The following DLG2 variants were observed in gnomAD, a reference collection of about 807,000 sequenced individuals.
DLG2 encodes the protein discs large MAGUK scaffold protein 2, also known as disks large homolog 2.
Under a neutral mutation model 132.5 loss-of-function variants are expected in DLG2, and 45 were observed. The ratio of observed to expected loss-of-function variants is 0.34; its 90% CI spans 0.27 to 0.44. The LOEUF (loss-of-function observed/expected upper bound fraction) is 0.44, where lower values mean the gene tolerates loss of function less well. DLG2 is among the 20% of genes least tolerant of loss of function. DLG2 has a pLI of 1.00. For missense variants in DLG2, 1,045 were observed against 1,196.9 expected (o/e 0.87, Z 1.87); for synonymous variants, 424 against 419.6 (o/e 1.01, Z -0.13).
At chr11:83,919,516 G>A in intron 15 of DLG2, among the ~76,000 whole-genome samples, 1 of 152,180 alleles carries the variant, frequency 6.6e-6, no homozygotes, top group East Asian at 1.9e-4. Flanking sequence ...TAAATTTCTA[G>A]ACCTTTTATT....
intron 4 of DLG2, among the ~76,000 whole-genome samples, chr11:85,263,656 G>A (rs925104789): frequency 5.9e-5 from 9 of 152,194 alleles, no homozygotes; most frequent in African/African-American, 2.2e-4. Context: ...CTATTGAGTG[G>A]CAGTGTTCAG....
intron 6 of DLG2, among the ~76,000 whole-genome samples, chr11:84,590,182 T>G (rs553850430): frequency 6.6e-6 from 1 of 152,268 alleles, no homozygotes; most frequent in East Asian, 1.9e-4. Flanking sequence ...GTAGGGCAAA[T>G]AGTAATTAGT....
intron 15 of DLG2, among the ~76,000 whole-genome samples, chr11:83,921,134 C>T (rs558327965): frequency 1.7e-4 from 26 of 152,178 alleles, no homozygotes; most frequent in African/African-American, 6.0e-4. Context: ...CACATACCTC[C>T]CTGGGTTGCT....
intron 14 of DLG2, among the ~76,000 whole-genome samples, chr11:83,944,558 C>T (rs1372872248): frequency 1.3e-5 from 2 of 152,178 alleles, no homozygotes; most frequent in African/African-American, 4.8e-5. Context: ...AAGTGAACTA[C>T]TGGAATGAGG....
intron 18 of DLG2, among the ~76,000 whole-genome samples, chr11:83,746,874 A>G (rs2092951543): frequency 6.6e-6 from 1 of 152,188 alleles, no homozygotes; most frequent in Admixed American, 6.6e-5. Flanking sequence ...TTGCATTTTC[A>G]TGATTATCTT....
rs116676832 is a variant in DLG2, at chr11:84,030,548, T to G, written c.919+28767A>C. 6.0e-3 allele frequency among the ~76,000 whole-genome samples: 909 copies of G among 152,158 alleles called. 9 individuals are homozygous for G. The highest frequency in any genetic ancestry group is 0.021 in the African/African-American group (876 of 41,530). On this transcript the variant is annotated intron_variant, in intron 11 of 27. Coordinates refer to ENST00000376104, the MANE Select transcript of DLG2 (RefSeq NM_001142699.3). ...AAAAGAAAATTCCTTTGGAAAACAT[T>G]GAATTAACAATATTTTTATCTGTAC...
chr11:83,636,402 A>G (rs2064853105), intron 18 of DLG2, among the ~76,000 whole-genome samples: 1 of 152,178 alleles, frequency 6.6e-6, no homozygotes, highest in Admixed American at 6.5e-5. Flanking sequence ...AGATGAATTC[A>G]GTTATAAAAT....
intron 7 of DLG2, among the ~76,000 whole-genome samples, chr11:84,499,286 G>A (rs75147686): frequency 0.014 from 2,197 of 152,252 alleles, 47 homozygotes; most frequent in African/African-American, 0.05. Context: ...GAGATATTAA[G>A]TGCCTAACAT....
intron 18 of DLG2, chr11:83,652,123 G>A (rs541334087): frequency 6.7e-5 from 19 of 284,234 alleles, no homozygotes; most frequent in South Asian, 3.1e-4. Flanking sequence ...TTTTGTAAGT[G>A]ATGTTATTTT....
Position 85,155,684 on chromosome 11 carries a change from A to G in DLG2, c.187-1033T>C, listed in dbSNP as rs373297665. On this transcript the variant is annotated intron_variant, in intron 4 of 27. Transcript: ENST00000376104. ...CAGGAGTTTGAGACCAGCCTGGCCAACGTGGTGAAACCCTATCTCTACTAA... is the reference window on the plus strand; with the variant it reads ...CAGGAGTTTGAGACCAGCCTGGCCAGCGTGGTGAAACCCTATCTCTACTAA... 1.1e-3 allele frequency among the ~76,000 whole-genome samples: 174 copies of G among 152,220 alleles called. 6 individuals are homozygous for G. In the South Asian group the frequency reaches 0.033, roughly 29 times the overall value.
chr11:84,236,933 T>G (rs916339402), intron 8 of DLG2, among the ~76,000 whole-genome samples: 1 of 137,968 alleles, frequency 7.2e-6, no homozygotes, highest in East Asian at 2.1e-4. Context: ...GTTTTTTTTT[T>G]TGTTTTTTTT....
At chr11:84,805,744 G>A (rs1005454737) in intron 6 of DLG2, among the ~76,000 whole-genome samples, 1 of 152,152 alleles carries the variant, frequency 6.6e-6, no homozygotes, top group African/African-American at 2.4e-5. Context: ...AAGCCAAGCA[G>A]ATGCTAGCAT....
intron 13 of DLG2, among the ~76,000 whole-genome samples, chr11:83,964,441 A>C (rs1447627122): frequency 6.6e-6 from 1 of 152,006 alleles, no homozygotes; most frequent in African/African-American, 2.4e-5. Context: ...CTCAAGAGAA[A>C]CATGTAAGTC....
At chr11:85,353,906 G>A (rs930810896) in intron 3 of DLG2, among the ~76,000 whole-genome samples, 1 of 151,886 alleles carries the variant, frequency 6.6e-6, no homozygotes, top group Admixed American at 6.6e-5. Flanking sequence ...GTTAATGGGT[G>A]CAGCACACCA....
intron 3 of DLG2, among the ~76,000 whole-genome samples, chr11:85,298,685 A>G (rs1477376247): frequency 2.0e-5 from 3 of 152,134 alleles, no homozygotes; most frequent in African/African-American, 7.2e-5. Flanking sequence ...TAATATTGGT[A>G]TTATTGGTAT....
At chr11:84,957,551 G>A (rs1049040695) in intron 6 of DLG2, among the ~76,000 whole-genome samples, 1 of 152,110 alleles carries the variant, frequency 6.6e-6, no homozygotes, top group Non-Finnish European at 1.5e-5. Context: ...TAACTCAAAT[G>A]CCACCTCCTC....
At chr11:83,758,470 C>T (rs995456916) in intron 18 of DLG2, among the ~76,000 whole-genome samples, 5 of 152,108 alleles carry the variant, frequency 3.3e-5, no homozygotes, top group Non-Finnish European at 7.4e-5. Context: ...TCACATTTAT[C>T]GAAATCTATG....
chr11:84,457,843 T>A (rs999813753), intron 7 of DLG2, among the ~76,000 whole-genome samples: 17 of 150,972 alleles, frequency 1.1e-4, no homozygotes, highest in African/African-American at 3.9e-4. Context: ...AATTTTTACA[T>A]TGCATGTAAA....
intron 6 of DLG2, among the ~76,000 whole-genome samples, chr11:84,645,374 G>A (rs943679437): frequency 3.3e-5 from 5 of 152,192 alleles, no homozygotes; most frequent in Non-Finnish European, 7.3e-5. Flanking sequence ...AAAGCCTGAG[G>A]AGCAGATTGT....
Sources: allele counts gnomAD v4.1 joint callset (sites outside exome capture counted in the v4.1 genomes callset), GRCh38; gene constraint gnomAD v4.1.1; transcripts MANE v1.5; gene names NCBI Gene and HGNC (gene_info 2026-07-23, HGNC 2026-07-21).